Variants in CACNB2 observed in about 807,000 individuals in gnomAD.
CACNB2 encodes the protein voltage-dependent L-type calcium channel subunit beta-2.
Under a neutral mutation model 73.3 loss-of-function variants are expected in CACNB2, and 42 were observed. The ratio of observed to expected loss-of-function variants is 0.57; its 90% CI spans 0.45 to 0.74. The LOEUF is 0.74. Among genes scored for constraint, CACNB2 ranks in the 30% least tolerant of loss-of-function variants. The pLI is 0.00. For synonymous variants in CACNB2, 348 were observed against 310.3 expected (o/e 1.12, Z -1.28); for missense variants, 940 against 853.0 (o/e 1.10, Z -1.27).
chr10:18,516,250 G>A (rs975412914), intron 7 of CACNB2, among the ~76,000 whole-genome samples: 6 of 152,012 alleles, frequency 3.9e-5, no homozygotes, highest in Admixed American at 2.6e-4. Flanking sequence ...AGCTAAATGG[G>A]GTTAACAGGG....
chr10:18,463,533 G>A (rs1564577625), intron 3 of CACNB2, among the ~76,000 whole-genome samples: 1 of 151,846 alleles, frequency 6.6e-6, no homozygotes, highest in African/African-American at 2.4e-5. Flanking sequence ...TCCTACATCA[G>A]CCTCCGGAGT....
chr10:18,493,019 T>A (rs901766443), intron 3 of CACNB2, among the ~76,000 whole-genome samples: 28 of 151,792 alleles, frequency 1.8e-4, no homozygotes, highest in African/African-American at 6.8e-4. Context: ...TTGAAAATGT[T>A]AAAAAAAAAT....
At chr10:18,186,194 C>T (rs1214004081) in intron 2 of CACNB2, among the ~76,000 whole-genome samples, 11 of 151,886 alleles carry the variant, frequency 7.2e-5, no homozygotes, top group Non-Finnish European at 1.3e-4. Context: ...TGAAGGTGGG[C>T]GGATCACCTG....
chr10:18,241,476 C>G (rs962824062), intron 2 of CACNB2, among the ~76,000 whole-genome samples: 1 of 151,816 alleles, frequency 6.6e-6, no homozygotes, highest in Non-Finnish European at 1.5e-5. Context: ...GGAGAAATAC[C>G]TAATGTAGAT....
At chr10:18,460,194 T>C (rs2047494379) in intron 3 of CACNB2, among the ~76,000 whole-genome samples, 2 of 152,194 alleles carry the variant, frequency 1.3e-5, no homozygotes. Flanking sequence ...AGGAGTGTTG[T>C]TTTAATTCAT....
At chr10:18,444,799 G>T (rs1423412489) in intron 3 of CACNB2, among the ~76,000 whole-genome samples, 1 of 152,178 alleles carries the variant, frequency 6.6e-6, no homozygotes, top group African/African-American at 2.4e-5. Flanking sequence ...TTCATAGAGA[G>T]GGTAAAGTAA....
chr10:18,409,806 A>G (rs2044515650), intron 3 of CACNB2, among the ~76,000 whole-genome samples: 1 of 152,126 alleles, frequency 6.6e-6, no homozygotes, highest in African/African-American at 2.4e-5. Flanking sequence ...GACCGCTCAC[A>G]GGCTTTTGGC....
intron 9 of CACNB2, among the ~76,000 whole-genome samples, chr10:18,522,413 A>G (rs2051989629): frequency 6.6e-6 from 1 of 152,150 alleles, no homozygotes; most frequent in Non-Finnish European, 1.5e-5. Context: ...AAGGTTGGGG[A>G]CTGCTGCAAT....
At chr10:18,235,194 T>C (rs1172513190) in intron 2 of CACNB2, among the ~76,000 whole-genome samples, 1 of 149,312 alleles carries the variant, frequency 6.7e-6, no homozygotes, top group Non-Finnish European at 1.5e-5. Flanking sequence ...GGCTTATGCC[T>C]GTAATCCCAG....
At chr10:18,259,565 A>AGAAAG (rs1554779364) in intron 2 of CACNB2, among the ~76,000 whole-genome samples, 1 of 55,484 alleles carries the variant, frequency 1.8e-5, no homozygotes, top group South Asian at 3.3e-4. Flanking sequence ...AAAAACAAAC[A>AGAAAG]AAAAAAAAAA....
chr10:18,368,455 T>G (rs2042444151), intron 2 of CACNB2, among the ~76,000 whole-genome samples: 1 of 152,182 alleles, frequency 6.6e-6, no homozygotes, highest in African/African-American at 2.4e-5. Flanking sequence ...CATCCAATAT[T>G]TAGGCCTTGC....
At chr10:18,432,395 A>T (rs373620621) in intron 3 of CACNB2, among the ~76,000 whole-genome samples, 1 of 152,160 alleles carries the variant, frequency 6.6e-6, no homozygotes, top group Non-Finnish European at 1.5e-5. Flanking sequence ...AGATAATCAC[A>T]TAAGTTAAAA....
chr10:18,183,521 C>A (rs1256946926), intron 2 of CACNB2, among the ~76,000 whole-genome samples: 1 of 152,112 alleles, frequency 6.6e-6, no homozygotes, highest in East Asian at 1.9e-4. Context: ...GGTGGAAGGG[C>A]AAGTCACGTC....
chr10:18,417,055 G>A (rs2045012326), intron 3 of CACNB2, among the ~76,000 whole-genome samples: 2 of 149,582 alleles, frequency 1.3e-5, no homozygotes, highest in Non-Finnish European at 3.0e-5. Flanking sequence ...GACACCAGCT[G>A]AGAATGCATT....
At chr10:18,147,951 G>A (rs2031155011) in intron 1 of CACNB2, among the ~76,000 whole-genome samples, 1 of 152,034 alleles carries the variant, frequency 6.6e-6, no homozygotes, top group African/African-American at 2.4e-5. Context: ...ATAGCAGGAT[G>A]AATTTTCACT....
intron 2 of CACNB2, among the ~76,000 whole-genome samples, chr10:18,391,811 C>T (rs868050697): frequency 6.0e-5 from 9 of 150,578 alleles, no homozygotes; most frequent in African/African-American, 2.2e-4. Flanking sequence ...ACCTATAGTC[C>T]CAGCTACTCA....
At chr10:18,168,726 C>T (rs896951560) in intron 2 of CACNB2, among the ~76,000 whole-genome samples, 6 of 152,054 alleles carry the variant, frequency 3.9e-5, no homozygotes, top group African/African-American at 9.7e-5. Flanking sequence ...CTTCTGATGC[C>T]GTGTGATCCT....
intron 2 of CACNB2, among the ~76,000 whole-genome samples, chr10:18,220,601 C>G (rs1325439930): frequency 6.6e-6 from 1 of 151,946 alleles, no homozygotes; most frequent in African/African-American, 2.4e-5. Flanking sequence ...CAGAGGCCCC[C>G]AAACCCCAGG....
chr10:18,290,215 C>T (rs2039009004), intron 2 of CACNB2, among the ~76,000 whole-genome samples: 1 of 137,540 alleles, frequency 7.3e-6, no homozygotes, highest in African/African-American at 2.7e-5. Flanking sequence ...TTTATAGACA[C>T]GGGGTTTCAC....
Sources: allele counts gnomAD v4.1 joint callset (sites outside exome capture counted in the v4.1 genomes callset), GRCh38; gene constraint gnomAD v4.1.1; transcripts MANE v1.5; gene names NCBI Gene and HGNC (gene_info 2026-07-23, HGNC 2026-07-21).